The following MTUS2 variants were observed in gnomAD, a reference collection of about 807,000 sequenced individuals.
MTUS2 encodes microtubule-associated tumor suppressor candidate 2.
A neutral mutation model predicts 114.1 loss-of-function variants in MTUS2; 40 were observed. The ratio of observed to expected loss-of-function variants is 0.35; its 90% confidence interval spans 0.27 to 0.46. The LOEUF is 0.46. Ranked by LOEUF, MTUS2 falls within the 20% of genes least tolerant of loss-of-function variation. The pLI is 1.00. For synonymous variants in MTUS2, 688 were observed against 672.0 expected (o/e 1.02, Z -0.37); for missense variants, 1,679 against 1,705.4 (o/e 0.98, Z 0.27).
intron 5 of MTUS2, among the ~76,000 whole-genome samples, chr13:29,236,497 C>CA (rs1896539986): frequency 6.6e-6 from 1 of 152,222 alleles, no homozygotes; most frequent in African/African-American, 2.4e-5. Context: ...TTTTCCTAGA[C>CA]AGAAGAGGTT....
At chr13:29,452,572 A>ATGTGTG (rs1448764367) in intron 9 of MTUS2, among the ~76,000 whole-genome samples, 147 of 48,728 alleles carry the variant, frequency 3.0e-3, no homozygotes, top group African/African-American at 8.7e-3. Context: ...ATATATATAT[A>ATGTGTG]TATGTGTGTG....
chr13:29,186,764 A>G lies in MTUS2; in HGVS notation c.2644+85794A>G, dbSNP rs138587786. Reference sequence around the variant, plus strand: ...AAAACTTTAGCAATACTATAAATCAACTAGACTTAATAGACATATATAGAA... The same window carrying G: ...AAAACTTTAGCAATACTATAAATCAGCTAGACTTAATAGACATATATAGAA... On this transcript the variant is annotated intron_variant, in intron 5 of 15. Coordinates refer to ENST00000612955, the MANE Select transcript of MTUS2 (RefSeq NM_001033602.4). Among the ~76,000 whole-genome samples, 10 of 152,316 alleles carry G rather than the reference A, an allele frequency of 6.6e-5. No individual in the cohort carries two copies. In the East Asian group the frequency reaches 1.2e-3, roughly 18 times the overall value.
rs1273491419 is a variant in MTUS2 at position 29,503,138 on chromosome 13, T to C, written c.4042T>C (p.Ser1348Pro). The C allele has an allele frequency of 1.2e-6, 2 of 1,613,974 alleles. No individual in the cohort carries two copies. The highest frequency in any genetic ancestry group is 1.7e-5 in the Admixed American group (1 of 59,996). Residue 1348 changes from serine to proline, a missense_variant, in exon 16 of 16, where the codon TCT becomes CCT. Around this residue, in one of 3 missense-constraint regions of MTUS2, gnomAD observed 822 missense variants for 899.7 expected, o/e 0.91. Coordinates refer to ENST00000612955, the MANE Select transcript of MTUS2 (RefSeq NM_001033602.4). ...CAGTCCGATTAAACTCTCGCCCACA[T>C]CTCCCGTTTACCGCGGCTCCTCCTC... ...PTSPIKLSPT[S>P]PVYRGSSSGP...
intron 8 of MTUS2, among the ~76,000 whole-genome samples, chr13:29,361,431 T>A (rs1179884356): frequency 6.6e-6 from 1 of 152,096 alleles, no homozygotes; most frequent in Non-Finnish European, 1.5e-5. Flanking sequence ...TCCAGATAAA[T>A]GCCAGAAGAA....
At chr13:29,082,791 A>G (rs892172403) in intron 4 of MTUS2, among the ~76,000 whole-genome samples, 2 of 152,142 alleles carry the variant, frequency 1.3e-5, no homozygotes, top group African/African-American at 4.8e-5. Flanking sequence ...CTTATATTGT[A>G]TACAGCAGGG....
intron 5 of MTUS2, among the ~76,000 whole-genome samples, chr13:29,223,217 C>T (rs1167611081): frequency 6.6e-6 from 1 of 152,148 alleles, no homozygotes; most frequent in East Asian, 1.9e-4. Flanking sequence ...TTCTTTGGGC[C>T]TGTCCATGGC....
intron 5 of MTUS2, among the ~76,000 whole-genome samples, chr13:29,211,728 C>T (rs1457757671): frequency 1.8e-4 from 28 of 151,918 alleles, no homozygotes; most frequent in Non-Finnish European, 2.9e-4. Flanking sequence ...CTTCAGGCTC[C>T]CCAGTGAGGA....
intron 5 of MTUS2, chr13:29,239,541 G>A (rs1197073085): frequency 2.0e-5 from 3 of 152,110 alleles, no homozygotes; most frequent in African/African-American, 7.2e-5. Context: ...ATACTTATTG[G>A]GAATGTATTA....
At chr13:29,393,184 AT>A (rs1210000607) in intron 8 of MTUS2, among the ~76,000 whole-genome samples, 5 of 152,236 alleles carry the variant, frequency 3.3e-5, no homozygotes, top group South Asian at 4.1e-4. Flanking sequence ...CTCTGTTATT[AT>A]TTTTGTATGT....
intron 8 of MTUS2, among the ~76,000 whole-genome samples, chr13:29,437,237 T>C (rs1877480785): frequency 6.6e-6 from 1 of 152,226 alleles, no homozygotes; most frequent in African/African-American, 2.4e-5. Context: ...CCAGTCTAAG[T>C]CTTTGCAACT....
intron 8 of MTUS2, among the ~76,000 whole-genome samples, chr13:29,415,461 T>G (rs1875598803): frequency 6.6e-6 from 1 of 152,248 alleles, no homozygotes; most frequent in African/African-American, 2.4e-5. Flanking sequence ...AGGTGCTAAT[T>G]TTTGTTGTGT....
chr13:29,407,444 GTACTTATT>G (rs1289832718), intron 8 of MTUS2, among the ~76,000 whole-genome samples: 1 of 136,570 alleles, frequency 7.3e-6, no homozygotes, highest in African/African-American at 2.7e-5. Flanking sequence ...CAGAGTGATT[GTACTTATT>G]TATTTATTTA....
chr13:29,423,016 A>G (rs1244829137), intron 8 of MTUS2, among the ~76,000 whole-genome samples: 2 of 152,136 alleles, frequency 1.3e-5, no homozygotes, highest in Non-Finnish European at 1.5e-5. Context: ...GTATCCAAGC[A>G]TTTGGGTGAG....
intron 5 of MTUS2, among the ~76,000 whole-genome samples, chr13:29,177,163 C>T (rs116981831): frequency 1.1e-4 from 17 of 150,930 alleles, no homozygotes; most frequent in East Asian, 7.7e-4. Flanking sequence ...CTTACATTTG[C>T]GATATCTAAT....
chr13:28,913,503 G>T (rs1055823619), intron 2 of MTUS2, among the ~76,000 whole-genome samples: 1 of 152,144 alleles, frequency 6.6e-6, no homozygotes, highest in Non-Finnish European at 1.5e-5. Context: ...TGTGCTGCTG[G>T]ATTTGGTTTG....
At chr13:29,353,757 T>A (rs1315604695) in intron 7 of MTUS2, among the ~76,000 whole-genome samples, 1 of 152,168 alleles carries the variant, frequency 6.6e-6, no homozygotes, top group Non-Finnish European at 1.5e-5. Context: ...CCCTTCTGAG[T>A]GCTTTACCTG....
At chr13:28,916,209 A>T (rs1024189573) in intron 2 of MTUS2, among the ~76,000 whole-genome samples, 1 of 151,922 alleles carries the variant, frequency 6.6e-6, no homozygotes, top group African/African-American at 2.4e-5. Context: ...GCTTGGTAGT[A>T]TAATTTTAAG....
chr13:29,040,127 C>CCATT (rs1887278897), intron 4 of MTUS2, among the ~76,000 whole-genome samples: 1 of 152,154 alleles, frequency 6.6e-6, no homozygotes, highest in Non-Finnish European at 1.5e-5. Context: ...CACCTCCCAC[C>CCATT]CATTCCCCAA....
chr13:29,468,810 T>G (rs1053783952), intron 9 of MTUS2, among the ~76,000 whole-genome samples: 2 of 152,160 alleles, frequency 1.3e-5, no homozygotes, highest in Non-Finnish European at 2.9e-5. Flanking sequence ...TTATAAACTA[T>G]GAAACTCATA....
Sources: gnomAD v4.1 joint callset for allele counts (sites outside exome capture counted in the v4.1 genomes callset) on GRCh38, gnomAD v4.1.1 for gene constraint, gnomAD v4.1.1 regional missense constraint, MANE v1.5 for transcripts, NCBI Gene and HGNC (gene_info 2026-07-23, HGNC 2026-07-21) for gene names.